MAN1A2: variants seen among roughly 807,000 people sequenced by gnomAD.
MAN1A2 encodes the protein mannosyl-oligosaccharide 1,2-alpha-mannosidase IB.
A neutral mutation model predicts 75.7 loss-of-function variants in MAN1A2; 26 were observed. The observed-to-expected ratio is 0.34, with a 90% CI of 0.25 to 0.48. The LOEUF is 0.48. Among genes scored for constraint, MAN1A2 ranks in the 20% least tolerant of loss-of-function variants. The pLI, the probability that MAN1A2 is intolerant of heterozygous loss-of-function variation, is 0.99. For synonymous variants in MAN1A2, 247 were observed against 264.6 expected (o/e 0.93, Z 0.65); for missense variants, 562 against 775.5 (o/e 0.72, Z 3.27).
At chr1:117,487,263 A>G (rs575972730) in intron 8 of MAN1A2, among the ~76,000 whole-genome samples, 2 of 152,178 alleles carry the variant, frequency 1.3e-5, no homozygotes, top group African/African-American at 4.8e-5. Context: ...TGAAGAAGCA[A>G]TAGGCATAAC....
At position 117,525,255 on chromosome 1, in the gene MAN1A2, C is replaced by CG; in HGVS notation, c.*2298_*2299insG. The CG allele has an allele frequency of 2.4e-6, 1 of 408,314 alleles. No individual in the cohort carries two copies. The highest frequency in any genetic ancestry group is 1.9e-5 in the South Asian group (1 of 52,124). The allele number at this position is 408,314 out of a possible 1,614,324, so 25.3% of individuals were successfully genotyped here. A position where few individuals can be genotyped will look rare whatever the true frequency, so the allele number is the denominator to read the frequency against. On this transcript the variant is annotated 3_prime_UTR_variant, in exon 13 of 13. Transcript: ENST00000356554. ...AATGGAAGGGTCTTCTTCACCACTC[C>CG]TTACCTTCTATGTGATGGAAAGACT... is the stretch of plus-strand genomic sequence containing the variant.
chr1:117,499,414 G>C lies in MAN1A2; in HGVS notation c.1537G>C (p.Asp513His). 2 of 1,598,004 alleles carry C rather than the reference G, an allele frequency of 1.3e-6. No individual in the cohort carries two copies. The highest frequency in any genetic ancestry group is 1.7e-6 in the Non-Finnish European group (2 of 1,172,788). ...LKLGPESFKF[D>H]GAVEAVAVRQ... ...GCTAGGTCCTGAATCATTCAAGTTTGATGGTGCAGTGGAGGCTGTGGCTGT... is the reference window on the plus strand; with the variant it reads ...GCTAGGTCCTGAATCATTCAAGTTTCATGGTGCAGTGGAGGCTGTGGCTGT... The change falls in exon 11 of 13, where the codon GAT becomes CAT. Residue 513 changes from aspartate (D) to histidine (H), a missense_variant. Physicochemically the swap from Asp to His is moderately conservative, Grantham distance 81 (BLOSUM62 -1). Transcript: ENST00000356554.
intron 1 of MAN1A2, among the ~76,000 whole-genome samples, chr1:117,398,770 A>G (rs529498540): frequency 2.0e-5 from 3 of 152,344 alleles, no homozygotes; most frequent in East Asian, 3.9e-4. Context: ...GATAGAAGCT[A>G]CATTATACAG....
intron 7 of MAN1A2, 93 bp from the exon 8 acceptor site, chr1:117,466,241 T>TC: frequency 3.8e-6 from 3 of 796,160 alleles, no homozygotes; most frequent in South Asian, 1.9e-5. Context: ...TAGGTGTAGA[T>TC]TCTGAGTAAG....
chr1:117,464,662 T>G (rs943511029), intron 7 of MAN1A2, among the ~76,000 whole-genome samples: 2 of 152,028 alleles, frequency 1.3e-5, no homozygotes, highest in Non-Finnish European at 2.9e-5. Context: ...AGATATAATG[T>G]GTTGAGAAGC....
chr1:117,483,131 G>C (rs1191509722), intron 8 of MAN1A2, among the ~76,000 whole-genome samples: 4 of 152,032 alleles, frequency 2.6e-5, no homozygotes, highest in Non-Finnish European at 4.4e-5. Flanking sequence ...ATGCTGTTTT[G>C]GTTACTGTAG....
chr1:117,413,198 A>G (rs548071881), intron 3 of MAN1A2, among the ~76,000 whole-genome samples: 2 of 152,064 alleles, frequency 1.3e-5, no homozygotes, highest in East Asian at 3.9e-4. Flanking sequence ...GGAACTGAGT[A>G]GGTAGAAGAC....
chr1:117,435,621 G>A (rs1648822794), intron 5 of MAN1A2, among the ~76,000 whole-genome samples: 1 of 152,070 alleles, frequency 6.6e-6, no homozygotes, highest in South Asian at 2.1e-4. Context: ...CTACTTAATT[G>A]TATGTTATGT....
intron 1 of MAN1A2, among the ~76,000 whole-genome samples, chr1:117,382,172 A>G (rs1653366364): frequency 6.6e-6 from 1 of 152,026 alleles, no homozygotes; most frequent in Non-Finnish European, 1.5e-5. Context: ...GCTGTGCAGA[A>G]GCTCTTTAGT....
chr1:117,489,277 G>A (rs2101869143), intron 8 of MAN1A2, among the ~76,000 whole-genome samples: 1 of 152,056 alleles, frequency 6.6e-6, no homozygotes, highest in East Asian at 1.9e-4. Context: ...ACAATTCCTA[G>A]GTTAAATTTT....
At chr1:117,381,820 T>C (rs1653351131) in intron 1 of MAN1A2, among the ~76,000 whole-genome samples, 1 of 152,120 alleles carries the variant, frequency 6.6e-6, no homozygotes, top group African/African-American at 2.4e-5. Flanking sequence ...AAAGTATTCC[T>C]ATTTCTCCAC....
chr1:117,387,309 T>C (rs2101734526), intron 1 of MAN1A2, among the ~76,000 whole-genome samples: 2 of 151,280 alleles, frequency 1.3e-5, no homozygotes, highest in South Asian at 4.2e-4. Context: ...TGTAAAATGG[T>C]GTAGCTGCTG....
At chr1:117,473,685 G>C (rs1315389845) in intron 8 of MAN1A2, among the ~76,000 whole-genome samples, 2 of 151,936 alleles carry the variant, frequency 1.3e-5, no homozygotes, top group African/African-American at 4.8e-5. Flanking sequence ...GATTTTTCGA[G>C]AGATATTCAC....
In MAN1A2 at chr1:117,502,876, G is replaced by C. The variant is rs1228463868; in HGVS notation, c.1699G>C (p.Val567Leu). Residue 567 changes from valine to leucine, a missense_variant, in exon 12 of 13, where the codon GTT (valine) becomes CTT (leucine). By Grantham distance (32) the Val-to-Leu change is conservative. Transcript: ENST00000356554. ...AALAIEKYCR[V>L]NGGFSGVKDV... ...ATAGGCCATTGAAAAGTATTGCCGA[G>C]TTAATGGTGGGTTTTCTGGAGTCAA... 6.2e-7 allele frequency: 1 copy of C among 1,602,172 alleles called. No individual in the cohort carries two copies. The highest frequency in any genetic ancestry group is 8.5e-7 in the Non-Finnish European group (1 of 1,171,072).
intron 12 of MAN1A2, among the ~76,000 whole-genome samples, chr1:117,518,535 A>T (rs989451019): frequency 1.3e-5 from 2 of 152,008 alleles, no homozygotes; most frequent in Non-Finnish European, 1.5e-5. Context: ...AAAAGTTTTT[A>T]AAAAGAATGA....
intron 12 of MAN1A2, among the ~76,000 whole-genome samples, chr1:117,521,734 A>G (rs1217113564): frequency 1.3e-5 from 2 of 152,028 alleles, no homozygotes; most frequent in Non-Finnish European, 1.5e-5. Flanking sequence ...ATGCATGTTT[A>G]TAGCAGCACA....
intron 8 of MAN1A2, among the ~76,000 whole-genome samples, chr1:117,467,080 G>C (rs996564493): frequency 6.6e-6 from 1 of 152,072 alleles, no homozygotes; most frequent in Non-Finnish European, 1.5e-5. Flanking sequence ...TTTCTTATTA[G>C]AACTCATTTA....
Position 117,523,485 on chromosome 1 carries a change from T to A in MAN1A2, c.*528T>A. 4.3e-6 allele frequency: 1 copy of A among 230,074 alleles called. No homozygotes were observed. The highest frequency in any genetic ancestry group is 2.3e-5 in the African/African-American group (1 of 42,780). 14.3% of individuals were successfully genotyped at this position (230,074 alleles called of 1,614,324 possible). A position where few individuals can be genotyped will look rare whatever the true frequency, so the allele number is the denominator to read the frequency against. On this transcript the variant is annotated 3_prime_UTR_variant, in exon 13 of 13. Transcript: ENST00000356554. Reference sequence around the variant, plus strand: ...ATAATTATATCAGTAACAAGAAGACTCAAAAAAGAAACAGGAGTACCTATC... The same window carrying A: ...ATAATTATATCAGTAACAAGAAGACACAAAAAAGAAACAGGAGTACCTATC...
intron 1 of MAN1A2, among the ~76,000 whole-genome samples, chr1:117,377,605 G>A (rs1324824877): frequency 6.6e-6 from 1 of 152,136 alleles, no homozygotes; most frequent in African/African-American, 2.4e-5. Context: ...TATTGTAAGT[G>A]ACCTAGATGT....
Sources: allele counts gnomAD v4.1 joint callset (sites outside exome capture counted in the v4.1 genomes callset), GRCh38; gene constraint gnomAD v4.1.1; transcripts MANE v1.5; gene names NCBI Gene and HGNC (gene_info 2026-07-23, HGNC 2026-07-21).